CYP2B6: variants seen among roughly 807,000 people sequenced by gnomAD.
CYP2B6 encodes cytochrome P450 family 2 subfamily B member 6, also known as cytochrome P450 2B6.
CYP2B6 carries 35 observed loss-of-function variants against 43.4 expected under a neutral mutation model. That is an observed-to-expected ratio of 0.81 (90% CI 0.62 to 1.07). The LOEUF is 1.07. CYP2B6 is among the 50% of genes least tolerant of loss of function. CYP2B6 has a pLI of 0.00. For synonymous variants in CYP2B6, 239 were observed against 239.2 expected (o/e 1.00, Z 0.01); for missense variants, 624 against 632.8 (o/e 0.99, Z 0.15).
At chr19:41,009,694 C>T (rs1331824350) in intron 5 of CYP2B6, 15 of 596,954 alleles carry the variant, frequency 2.5e-5, no homozygotes, top group Non-Finnish European at 5.9e-6. Context: ...GGGCAAGGGA[C>T]AAAAATACAG....
chr19:41,012,172 A>G, intron 6 of CYP2B6, 126 bp from the exon 7 acceptor site: 1 of 853,618 alleles, frequency 1.2e-6, no homozygotes, highest in South Asian at 1.4e-5. Context: ...CTCATCTTGA[A>G]CTCCTGACCT....
chr19:40,997,152 T>G (rs1969009822), intron 1 of CYP2B6, among the ~76,000 whole-genome samples: 1 of 151,950 alleles, frequency 6.6e-6, no homozygotes, highest in South Asian at 2.1e-4. Flanking sequence ...GACTAGCCCA[T>G]GTCAGTGCCA....
intron 1 of CYP2B6, among the ~76,000 whole-genome samples, chr19:41,002,948 G>C (rs1040583050): frequency 2.0e-5 from 3 of 152,042 alleles, no homozygotes; most frequent in African/African-American, 7.3e-5. Flanking sequence ...CCACGTTGTC[G>C]CCTGTAGCTG....
chr19:40,991,533 G>A (rs1568556187), intron 1 of CYP2B6, 57 bp downstream of exon 1: 2 of 1,590,222 alleles, frequency 1.3e-6, no homozygotes, highest in Non-Finnish European at 1.7e-6. Context: ...TGGTACTTGG[G>A]GAAGCTTCAC....
In CYP2B6 at chr19:41,016,695, C is replaced by A. The variant is rs754073421; in HGVS notation, c.1344C>A (p.Leu448=). 6.8e-6 allele frequency: 11 copies of A among 1,614,120 alleles called. No individual in the cohort carries two copies. The highest frequency in any genetic ancestry group is 1.3e-5 in the African/African-American group (1 of 74,944). The change falls in exon 9 of 9, where the codon CTC becomes CTA. Residue 448 remains leucine, a synonymous_variant. Coordinates refer to ENST00000324071, the MANE Select transcript of CYP2B6 (RefSeq NM_000767.5). ...GEGIARAELF[L]FFTTILQNFS... ...GCATCGCCCGTGCGGAATTGTTCCTCTTCTTCACCACCATCCTCCAGAACT... is the reference window on the plus strand; with the variant it reads ...GCATCGCCCGTGCGGAATTGTTCCTATTCTTCACCACCATCCTCCAGAACT...
chr19:41,006,943 A>G lies in CYP2B6; in HGVS notation c.523A>G (p.Thr175Ala), dbSNP rs140582290. The change falls in exon 4 of 9, where the codon ACC becomes GCC. Residue 175 changes from threonine to alanine, a missense_variant. Thr to Ala is a moderately conservative substitution (Grantham distance 58). Coordinates refer to ENST00000324071, the MANE Select transcript of CYP2B6 (RefSeq NM_000767.5). The part of the protein sequence containing the change: ...MDPTFLFQSI[T>A]ANIICSIVFG... ...CCCCACCTTCCTCTTCCAGTCCATT[A>G]CCGCCAACATCATCTGCTCCATCGT... The G allele has an allele frequency of 4.0e-5, 64 of 1,613,842 alleles. No individual in the cohort carries two copies. The highest frequency in any genetic ancestry group is 4.9e-5 in the Non-Finnish European group (58 of 1,180,026).
rs144644240 is a variant in CYP2B6, at chr19:40,992,821, A to G, written c.171+1345A>G. On this transcript the variant is annotated intron_variant, in intron 1 of 8. Coordinates refer to ENST00000324071, the MANE Select transcript of CYP2B6 (RefSeq NM_000767.5). The stretch of plus-strand genomic sequence containing the variant: ...ATGTGTGAGCCACCGCACCCGGCCA[A>G]GACTCTTGAGAAAATACAACACATC... Among the ~76,000 whole-genome samples the G allele has an allele frequency of 6.6e-5, 10 of 152,218 alleles. No individual in the cohort carries two copies. In the East Asian group the frequency reaches 1.9e-3, roughly 29 times the overall value.
chr19:41,011,745 A>ATG lies in CYP2B6; in HGVS notation c.965-541_965-540dup, dbSNP rs146148776. On this transcript the variant is annotated intron_variant, in intron 6 of 8. Coordinates refer to ENST00000324071, the MANE Select transcript of CYP2B6 (RefSeq NM_000767.5). ...ATGCAAAATCGTGGTGTGTGTGTGC[A>ATG]TGTGTGTGTGTGTACCTGGGCATGT... 3.9e-3 allele frequency among the ~76,000 whole-genome samples: 598 copies of ATG among 151,590 alleles called. 8 individuals are homozygous for ATG. Among genetic ancestry groups the ATG allele is most frequent in the African/African-American group, 0.014 (568 of 41,360 alleles).
intron 6 of CYP2B6, among the ~76,000 whole-genome samples, chr19:41,010,644 A>AC (rs1466233779): frequency 6.6e-6 from 1 of 151,872 alleles, no homozygotes; most frequent in Non-Finnish European, 1.5e-5. Context: ...CGATCTCCTG[A>AC]CCTCATGATG....
intron 8 of CYP2B6, among the ~76,000 whole-genome samples, chr19:41,014,323 T>G (rs1262525232): frequency 6.6e-6 from 1 of 151,776 alleles, no homozygotes; most frequent in Non-Finnish European, 1.5e-5. Context: ...TTTTTTGTCT[T>G]CAGACGGAGT....
chr19:41,006,230 G>A (rs1969182399), intron 3 of CYP2B6, among the ~76,000 whole-genome samples: 2 of 152,008 alleles, frequency 1.3e-5, no homozygotes, highest in African/African-American at 2.4e-5. Flanking sequence ...ATAGCTCACT[G>A]CAGCCTCAAA....
Position 41,004,310 on chromosome 19 carries a change from CA to C in CYP2B6, c.350del (p.Asn117MetfsTer13), listed in dbSNP as rs1969142406. On this transcript the variant is annotated frameshift_variant, in exon 3 of 9. Transcript: ENST00000324071. LOFTEE classifies it high-confidence loss of function. ...CCTGCACCCCAGGTGTGATCTTTGC[CA>C]ATGGAAACCGCTGGAAGGTGCTTCG... ...FFRGYGVIFANGNRWKVLRRF... is the reference protein window; with the variant it reads ...FFRGYGVIFAXGNRWKVLRRF... 4 of 1,613,770 alleles carry C rather than the reference CA, an allele frequency of 2.5e-6. No homozygotes were observed. Among genetic ancestry groups the C allele is most frequent in the Non-Finnish European group, 2.5e-6 (3 of 1,180,026 alleles).
At position 41,004,058 on chromosome 19, in the gene CYP2B6, A is replaced by T; in HGVS notation, c.229A>T (p.Met77Leu). 1.9e-6 allele frequency: 3 copies of T among 1,613,952 alleles called. No homozygotes were observed. The highest frequency in any genetic ancestry group is 2.5e-6 in the Non-Finnish European group (3 of 1,179,950). The change falls in exon 2 of 9, where the codon ATG becomes TTG. Residue 77 changes from methionine (M) to leucine (L), a missense_variant. Met to Leu is a conservative substitution (Grantham distance 15). Transcript: ENST00000324071. ...TVHLGPRPVVMLCGVEAIREA... is the reference protein window; with the variant it reads ...TVHLGPRPVVLLCGVEAIREA... ...ACACCTGGGACCGAGGCCCGTGGTCATGCTGTGTGGAGTAGAGGCCATACG... is the reference window on the plus strand; with the variant it reads ...ACACCTGGGACCGAGGCCCGTGGTCTTGCTGTGTGGAGTAGAGGCCATACG...
intron 6 of CYP2B6, among the ~76,000 whole-genome samples, chr19:41,011,347 C>T (rs1969280696): frequency 6.6e-6 from 1 of 152,220 alleles, no homozygotes; most frequent in Admixed American, 6.5e-5. Flanking sequence ...ACTTGCTCTT[C>T]CATAAATCTA....
rs557000824 is a variant in CYP2B6 at position 41,002,421 on chromosome 19, T to C, written c.172-1580T>C. ...AATTTTCACAAACTGAACATACTCATGTAATTGACATGCAGGCCAAGTAGC... is the reference window on the plus strand; with the variant it reads ...AATTTTCACAAACTGAACATACTCACGTAATTGACATGCAGGCCAAGTAGC... On this transcript the variant is annotated intron_variant, in intron 1 of 8. Coordinates refer to ENST00000324071, the MANE Select transcript of CYP2B6 (RefSeq NM_000767.5). 5.3e-5 allele frequency among the ~76,000 whole-genome samples: 8 copies of C among 152,252 alleles called. No homozygotes were observed. The South Asian group carries it at 8.3e-4, about 16-fold the overall frequency.
rs10426235 is a variant in CYP2B6, at chr19:40,993,911, G to A, written c.171+2435G>A. On this transcript the variant is annotated intron_variant, in intron 1 of 8. Transcript: ENST00000324071. ...GGGCATAGAGGAGATCTAAAATTGC[G>A]TGATGTTCCATTAAGCGTTTTTGTT... 8.1e-3 allele frequency among the ~76,000 whole-genome samples: 1,227 copies of A among 152,200 alleles called. 18 individuals are homozygous for A. The highest frequency in any genetic ancestry group is 0.029 in the African/African-American group (1,194 of 41,490).
At chr19:41,012,132 G>C (rs150161590) in intron 6 of CYP2B6, among the ~76,000 whole-genome samples, 166 bp from the exon 7 acceptor site, 204 of 152,020 alleles carry the variant, frequency 1.3e-3, no homozygotes, top group African/African-American at 4.8e-3. Context: ...GTATTTTTAG[G>C]AGAGACGGGA....
At chr19:40,995,209 T>C (rs531385796) in intron 1 of CYP2B6, among the ~76,000 whole-genome samples, 47 of 152,264 alleles carry the variant, frequency 3.1e-4, no homozygotes, top group African/African-American at 1.1e-3. Flanking sequence ...TCCACAATCT[T>C]GGAAAAGCTG....
At chr19:41,000,563 C>T (rs1375646719) in intron 1 of CYP2B6, among the ~76,000 whole-genome samples, 2 of 152,148 alleles carry the variant, frequency 1.3e-5, no homozygotes, top group African/African-American at 4.8e-5. Flanking sequence ...TCCCAAGTGC[C>T]TATTGTTTTC....
Sources: allele counts gnomAD v4.1 joint callset (sites outside exome capture counted in the v4.1 genomes callset), GRCh38; gene constraint gnomAD v4.1.1; transcripts MANE v1.5; gene names NCBI Gene and HGNC (gene_info 2026-07-23, HGNC 2026-07-21).